The following ZFP90 variants were observed in gnomAD, a reference collection of about 807,000 sequenced individuals.
ZFP90 encodes the protein zinc finger protein 90 homolog.
Under a neutral mutation model 60.8 loss-of-function variants are expected in ZFP90, and 38 were observed. The ratio of observed to expected loss-of-function variants is 0.62; its 90% CI spans 0.48 to 0.82. The LOEUF is 0.82. Among genes scored for constraint, ZFP90 ranks in the 40% least tolerant of loss-of-function variants. ZFP90 has a pLI of 0.00. For missense variants in ZFP90, 711 were observed against 759.1 expected (o/e 0.94, Z 0.74); for synonymous variants, 287 against 264.8 (o/e 1.08, Z -0.82).
rs144346511 is a variant in ZFP90 at position 68,573,351 on chromosome 16, G to T, written c.224-2440G>T. ...ATCAGGGCAGGCCACAGGCTTCATC[G>T]CCAGGTGCAGTGGCACACTTAAAAT... On this transcript the variant is annotated intron_variant, in intron 2 of 2. Transcript: ENST00000573113. 6.6e-3 allele frequency among the ~76,000 whole-genome samples: 1,011 copies of T among 152,314 alleles called. 11 individuals carry two copies. Among genetic ancestry groups the T allele is most frequent in the Non-Finnish European group, 0.012 (826 of 68,026 alleles).
chr16:68,563,167 TAGAC>T lies in ZFP90; in HGVS notation c.383_386del (p.Asp128GlyfsTer20), dbSNP rs2091463196. 6.2e-7 allele frequency: 1 copy of T among 1,614,116 alleles called. No homozygotes were observed. Among genetic ancestry groups the T allele is most frequent in the Non-Finnish European group, 8.5e-7 (1 of 1,180,004 alleles). The stretch of plus-strand genomic sequence containing the variant: ...GACTCCTGGGATGTTAGCAGCCAGT[TAGAC>T]AGGCAACAGGAAAACTGGAAGAGAC... On this transcript the variant is annotated frameshift_variant, in exon 5 of 5. Coordinates refer to ENST00000563169, the MANE Select transcript of ZFP90 (RefSeq NM_001305203.2). LOFTEE classifies it high-confidence loss of function.
rs13334384 is a variant in ZFP90 at position 68,563,669 on chromosome 16, C to T, written c.882C>T (p.Ser294=). The T allele has an allele frequency of 6.3e-3, 10,185 of 1,614,076 alleles. 509 individuals carry two copies. In the African/African-American group the frequency reaches 0.12, roughly 19 times the overall value. The change falls in exon 5 of 5, where the codon AGC becomes AGT. Residue 294 remains serine (S), a synonymous_variant. Transcript: ENST00000563169. ...TATGTGGAAAGGCCTTCAGGCATAGCTCATCTCTTGGTCAGCATGAGAATG... is the reference window on the plus strand; with the variant it reads ...TATGTGGAAAGGCCTTCAGGCATAGTTCATCTCTTGGTCAGCATGAGAATG... ...CNVCGKAFRH[S]SSLGQHENAH... is the part of the protein sequence containing the mutation.
chr16:68,552,071 T>TC (rs1475235135), intron 2 of ZFP90, among the ~76,000 whole-genome samples: 2 of 61,628 alleles, frequency 3.2e-5, no homozygotes, highest in African/African-American at 1.1e-4. Flanking sequence ...CTTTGTTAGT[T>TC]TTTAAAAGGG....
downstream of ZFP90, among the ~76,000 whole-genome samples, chr16:68,570,223 A>G (rs1170429): frequency 0.77 from 116,885 of 152,076 alleles, 45,009 homozygotes; most frequent in East Asian, 0.82. Context: ...GCTCTCATCA[A>G]AGATCCCTGA....
chr16:68,563,382 C>CT lies in ZFP90; in HGVS notation c.597dup (p.Asn200Ter). 6.2e-7 allele frequency: 1 copy of CT among 1,613,816 alleles called. No individual in the cohort carries two copies. The highest frequency in any genetic ancestry group is 8.5e-7 in the Non-Finnish European group (1 of 1,179,962). The stretch of plus-strand genomic sequence containing the variant: ...CAATTTGGGACATAATGCAGACTTA[C>CT]TTAATGAGAATAATATTCTTGCAAA... On this transcript the variant is annotated frameshift_variant, in exon 5 of 5. Transcript: ENST00000563169. LOFTEE classifies it high-confidence loss of function.
chr16:68,569,063 A>G (rs1376731305), downstream of ZFP90, among the ~76,000 whole-genome samples: 1 of 151,960 alleles, frequency 6.6e-6, no homozygotes, highest in Non-Finnish European at 1.5e-5. Context: ...AAGAGCCTAG[A>G]GCTGCCTATT....
Position 68,564,800 on chromosome 16 carries a change from G to A in ZFP90, c.*102G>A, listed in dbSNP as rs2091499437. The A allele has an allele frequency of 6.9e-7, 1 of 1,442,756 alleles. No individual in the cohort carries two copies. 89.4% of individuals were successfully genotyped at this position (1,442,756 alleles called of 1,614,324 possible). A position where few individuals can be genotyped will look rare whatever the true frequency, so the allele number is the denominator to read the frequency against. ...CTTGGGAATGTAATGAATTACGTGT[G>A]TGTTTATACGTTGTGTGTGGAGAAA... On this transcript the variant is annotated 3_prime_UTR_variant, in exon 5 of 5. Transcript: ENST00000563169.
chr16:68,551,770 T>G (rs2091265515), intron 2 of ZFP90, among the ~76,000 whole-genome samples: 1 of 151,616 alleles, frequency 6.6e-6, no homozygotes, highest in Non-Finnish European at 1.5e-5. Flanking sequence ...GTTTTTGTTT[T>G]TTTATTTAGG....
chr16:68,562,961 T>TA, intron 4 of ZFP90, 83 bp from the exon 5 acceptor site: 1 of 1,574,286 alleles, frequency 6.4e-7, no homozygotes, highest in South Asian at 1.2e-5. Context: ...ATATGTAACT[T>TA]ATATGTCTTT....
At chr16:68,570,150 C>A (rs945377928), downstream of ZFP90, among the ~76,000 whole-genome samples, 2 of 152,212 alleles carry the variant, frequency 1.3e-5, no homozygotes, top group African/African-American at 4.8e-5. Context: ...GTGTGGAATA[C>A]TCATCTCTAA....
chr16:68,565,336 A>G lies in ZFP90; in HGVS notation c.*638A>G. The stretch of plus-strand genomic sequence containing the variant: ...GTGAAAAGGTTATTTTTGGACTCAG[A>G]GGGCTTTAAAATAAATTTTAAGATG... On this transcript the variant is annotated 3_prime_UTR_variant, in exon 5 of 5. Coordinates refer to ENST00000563169, the MANE Select transcript of ZFP90 (RefSeq NM_001305203.2). 1.0e-6 allele frequency: 1 copy of G among 985,580 alleles called. No individual in the cohort carries two copies. The highest frequency in any genetic ancestry group is 1.2e-6 in the Non-Finnish European group (1 of 829,942). The allele number at this position is 985,580 out of a possible 1,614,324, so 61.1% of individuals were successfully genotyped here.
intron 2 of ZFP90, among the ~76,000 whole-genome samples, chr16:68,542,480 A>C (rs1848623421): frequency 6.6e-6 from 1 of 152,134 alleles, no homozygotes; most frequent in African/African-American, 2.4e-5. Context: ...AGTCCCAGCT[A>C]CTAGGGAGGC....
At chr16:68,572,098 TG>T (rs781364612), downstream of ZFP90, among the ~76,000 whole-genome samples, 1 of 152,192 alleles carries the variant, frequency 6.6e-6, no homozygotes, top group East Asian at 1.9e-4. Context: ...CTCAAACTCC[TG>T]GGCTCAAGTG....
At chr16:68,548,266 T>C (rs993332553) in intron 2 of ZFP90, among the ~76,000 whole-genome samples, 4 of 152,196 alleles carry the variant, frequency 2.6e-5, no homozygotes, top group Non-Finnish European at 5.9e-5. Flanking sequence ...TTTCTGTCTT[T>C]TGAAAGAATT....
At chr16:68,569,554 C>G (rs562979442), downstream of ZFP90, among the ~76,000 whole-genome samples, 3 of 152,254 alleles carry the variant, frequency 2.0e-5, no homozygotes, top group East Asian at 5.8e-4. Flanking sequence ...AGCACTTCGC[C>G]CAGTCCTCAC....
At chr16:68,538,599 G>C (rs1316759708), upstream of ZFP90, among the ~76,000 whole-genome samples, 7 of 152,060 alleles carry the variant, frequency 4.6e-5, no homozygotes, top group Admixed American at 4.6e-4. Context: ...CCAGCTACTC[G>C]GGAGGCTGAG....
intron 2 of ZFP90, among the ~76,000 whole-genome samples, chr16:68,544,470 C>T (rs541807841): frequency 6.6e-6 from 1 of 152,168 alleles, no homozygotes; most frequent in South Asian, 2.1e-4. Context: ...AAGGAAAATG[C>T]TTCATATGGA....
At chr16:68,569,610 A>G (rs1347066725), downstream of ZFP90, among the ~76,000 whole-genome samples, 1 of 152,130 alleles carries the variant, frequency 6.6e-6, no homozygotes, top group Non-Finnish European at 1.5e-5. Flanking sequence ...CAAGAAAAGG[A>G]ATCAGAAGAG....
chr16:68,549,681 A>AAAT (rs1249017737), intron 2 of ZFP90, among the ~76,000 whole-genome samples: 1 of 150,194 alleles, frequency 6.7e-6, no homozygotes, highest in Non-Finnish European at 1.5e-5. Context: ...TCCATCTCAA[A>AAAT]AAAAAAAAAA....
Sources: allele counts gnomAD v4.1 joint callset (sites outside exome capture counted in the v4.1 genomes callset), GRCh38; gene constraint gnomAD v4.1.1; transcripts MANE v1.5; gene names NCBI Gene and HGNC (gene_info 2026-07-23, HGNC 2026-07-21).